PPP1R36: variants seen among roughly 807,000 people sequenced by gnomAD.
PPP1R36 encodes protein phosphatase 1 regulatory subunit 36.
A neutral mutation model predicts 53.4 loss-of-function variants in PPP1R36; 47 were observed. The observed-to-expected ratio is 0.88, with a 90% CI of 0.70 to 1.12. The LOEUF (loss-of-function observed/expected upper bound fraction) is 1.12. Ranked by LOEUF, PPP1R36 falls within the 50% of genes most tolerant of loss-of-function variation. PPP1R36 has a pLI of 0.00. For missense variants in PPP1R36, 456 were observed against 513.9 expected, an observed-to-expected ratio of 0.89 and a Z score of 1.09; for synonymous variants, 153 against 170.5, an observed-to-expected ratio of 0.90 and a Z score of 0.80.
chr14:64,575,675 T>C (rs1276727575), intron 8 of PPP1R36, among the ~76,000 whole-genome samples: 2 of 150,708 alleles, frequency 1.3e-5, no homozygotes, highest in African/African-American at 4.9e-5. Context: ...TTTTGAGACA[T>C]AGTCTTGCTC....
At chr14:64,583,811 CAAAAA>C (rs529491293) in intron 8 of PPP1R36, among the ~76,000 whole-genome samples, 21 of 30,062 alleles carry the variant, frequency 7.0e-4, no homozygotes, top group African/African-American at 1.7e-3. Flanking sequence ...AACTCCATCT[CAAAAA>C]AAAAAAAAAA....
chr14:64,586,839 A>G lies in PPP1R36; in HGVS notation c.671A>G (p.Glu224Gly). ...PDKHHMCCGK[E>G]KISDTQKDWK... ...AGTTGTGACTTGTTATATTACAGGG[A>G]GAAAATATCAGATACACAGAAAGAC... is the stretch of plus-strand genomic sequence containing the variant. The change falls in exon 9 of 12, where the codon GAG becomes GGG. Residue 224 changes from glutamate (E) to glycine (G), a missense_variant and splice_region_variant. Coordinates refer to ENST00000298705, the MANE Select transcript of PPP1R36 (RefSeq NM_172365.3). 1 of 1,610,226 alleles carries G rather than the reference A, an allele frequency of 6.2e-7. No individual in the cohort carries two copies. Among genetic ancestry groups the G allele is most frequent in the Non-Finnish European group, 8.5e-7 (1 of 1,176,860 alleles).
chr14:64,589,031 T>G, intron 11 of PPP1R36, 121 bp from the exon 12 acceptor site: 2 of 646,330 alleles, frequency 3.1e-6, no homozygotes, highest in South Asian at 4.7e-5. Context: ...AGAAAGAGTA[T>G]ATCTTAGCTT....
chr14:64,581,543 G>GTTGC (rs1450398488), intron 8 of PPP1R36, among the ~76,000 whole-genome samples: 2 of 143,152 alleles, frequency 1.4e-5, no homozygotes, highest in African/African-American at 5.2e-5. Flanking sequence ...TTCTTATCAA[G>GTTGC]TTGCTCATTT....
chr14:64,557,480 A>T (rs1226263088), intron 3 of PPP1R36, among the ~76,000 whole-genome samples: 1 of 152,194 alleles, frequency 6.6e-6, no homozygotes, highest in African/African-American at 2.4e-5. Flanking sequence ...ATATACCTAA[A>T]AATACAAATG....
chr14:64,586,651 G>A, intron 8 of PPP1R36, 186 bp from the exon 9 acceptor site: 2 of 486,914 alleles, frequency 4.1e-6, no homozygotes, highest in South Asian at 8.1e-5. Context: ...TTTTGATCTG[G>A]GTAACGTAGG....
intron 3 of PPP1R36, among the ~76,000 whole-genome samples, chr14:64,555,929 C>A (rs1275266114): frequency 1.3e-5 from 2 of 151,996 alleles, no homozygotes; most frequent in East Asian, 3.8e-4. Context: ...AAAAATTGTA[C>A]ATATATACTG....
chr14:64,550,223 G>GGAAA, intron 1 of PPP1R36, 157 bp downstream of exon 1: 19 of 1,191,508 alleles, frequency 1.6e-5, no homozygotes, highest in South Asian at 4.0e-5. Context: ...TATTTGCCTA[G>GGAAA]AAAAAAAAAA....
intron 8 of PPP1R36, among the ~76,000 whole-genome samples, chr14:64,582,980 T>G (rs1175622016): frequency 6.6e-6 from 1 of 150,474 alleles, no homozygotes; most frequent in Non-Finnish European, 1.5e-5. Flanking sequence ...CAGCCTCAAC[T>G]TCCTGTTCTC....
At position 64,586,829 on chromosome 14, in the gene PPP1R36, T is replaced by C; in HGVS notation, c.669-8T>C. On this transcript the variant is annotated splice_region_variant and splice_polypyrimidine_tract_variant and intron_variant, in intron 8 of 11. Coordinates refer to ENST00000298705, the MANE Select transcript of PPP1R36 (RefSeq NM_172365.3). ...CTCAACCTATAGTTGTGACTTGTTATATTACAGGGAGAAAATATCAGATAC... is the reference window on the plus strand; with the variant it reads ...CTCAACCTATAGTTGTGACTTGTTACATTACAGGGAGAAAATATCAGATAC... 6.2e-7 allele frequency: 1 copy of C among 1,605,538 alleles called. No individual in the cohort carries two copies. Among genetic ancestry groups the C allele is most frequent in the Non-Finnish European group, 8.5e-7 (1 of 1,172,506 alleles).
intron 1 of PPP1R36, 125 bp downstream of exon 1, chr14:64,550,191 G>T: frequency 6.9e-7 from 1 of 1,446,970 alleles, no homozygotes; most frequent in Non-Finnish European, 9.1e-7. Context: ...CCGGGCTGGC[G>T]GTTCTCAAAG....
At chr14:64,554,394 A>G (rs1230360834) in intron 3 of PPP1R36, among the ~76,000 whole-genome samples, 1 of 151,920 alleles carries the variant, frequency 6.6e-6, no homozygotes, top group African/African-American at 2.4e-5. Flanking sequence ...CAGGTGATCC[A>G]CCCACCTCGG....
At position 64,587,295 on chromosome 14, in the gene PPP1R36, G is replaced by T; in HGVS notation, c.813G>T (p.Met271Ile). 2 of 1,613,840 alleles carry T rather than the reference G, an allele frequency of 1.2e-6. No individual in the cohort carries two copies. Residue 271 changes from methionine to isoleucine, a missense_variant, in exon 10 of 12, where the codon ATG becomes ATT. Met to Ile is a conservative substitution (Grantham distance 10). Transcript: ENST00000298705. ...EEVGRLFRTN[M>I]FNIPRRRRED... The stretch of plus-strand genomic sequence containing the variant: ...TAGGGAGACTCTTTCGTACCAATAT[G>T]TTCAACATTCCTCGCAGGAGGCGTG...
At chr14:64,563,749 C>T (rs558201007) in intron 3 of PPP1R36, among the ~76,000 whole-genome samples, 1 of 152,270 alleles carries the variant, frequency 6.6e-6, no homozygotes, top group African/African-American at 2.4e-5. Context: ...ACTGCATCTG[C>T]ACCTCAGCTT....
Position 64,586,828 on chromosome 14 carries a change from A to T in PPP1R36, c.669-9A>T, listed in dbSNP as rs1212348514. On this transcript the variant is annotated splice_polypyrimidine_tract_variant and intron_variant, in intron 8 of 11. Transcript: ENST00000298705. ...TCTCAACCTATAGTTGTGACTTGTTATATTACAGGGAGAAAATATCAGATA... is the reference window on the plus strand; with the variant it reads ...TCTCAACCTATAGTTGTGACTTGTTTTATTACAGGGAGAAAATATCAGATA... 6.2e-7 allele frequency: 1 copy of T among 1,604,494 alleles called. No individual in the cohort carries two copies. The highest frequency in any genetic ancestry group is 1.3e-5 in the African/African-American group (1 of 74,730).
At chr14:64,581,232 G>A (rs2080386932) in intron 8 of PPP1R36, among the ~76,000 whole-genome samples, 1 of 152,214 alleles carries the variant, frequency 6.6e-6, no homozygotes, top group Admixed American at 6.5e-5. Flanking sequence ...TTCTGATTTG[G>A]TTAAGGTAGA....
chr14:64,552,340 T>G (rs2080100794), intron 2 of PPP1R36, among the ~76,000 whole-genome samples: 1 of 151,868 alleles, frequency 6.6e-6, no homozygotes, highest in Non-Finnish European at 1.5e-5. Context: ...AATACAAAAA[T>G]TAGCCGGGCG....
At chr14:64,584,777 T>C (rs2080418127) in intron 8 of PPP1R36, among the ~76,000 whole-genome samples, 1 of 152,190 alleles carries the variant, frequency 6.6e-6, no homozygotes, top group Non-Finnish European at 1.5e-5. Context: ...ATGTTGACTA[T>C]ACCATAGGGA....
intron 2 of PPP1R36, 93 bp downstream of exon 2, chr14:64,551,078 C>T: frequency 1.3e-6 from 1 of 769,248 alleles, no homozygotes; most frequent in Non-Finnish European, 2.1e-6. Context: ...GAATAAATAC[C>T]CACTGAACCT....
Sources: allele counts gnomAD v4.1 joint callset (sites outside exome capture counted in the v4.1 genomes callset), GRCh38; gene constraint gnomAD v4.1.1; transcripts MANE v1.5; gene names NCBI Gene and HGNC (gene_info 2026-07-23, HGNC 2026-07-21).